Variants in TIAM1 observed in about 807,000 individuals in gnomAD.
The protein encoded by TIAM1 is rho guanine nucleotide exchange factor TIAM1.
TIAM1 carries 65 observed loss-of-function variants against 163.5 expected under a neutral mutation model. The ratio of observed to expected loss-of-function variants is 0.40; its 90% confidence interval spans 0.33 to 0.49. The LOEUF is 0.49. TIAM1 is among the 20% of genes least tolerant of loss of function. The probability of loss-of-function intolerance (pLI) is 0.77; values close to 1 mark genes in which losing one functional copy is unlikely to be tolerated. For synonymous variants in TIAM1, 833 were observed against 810.1 expected, an observed-to-expected ratio of 1.03 and a Z score of -0.48; for missense variants, 1,789 against 2,044.7, an observed-to-expected ratio of 0.87 and a Z score of 2.41.
chr21:31,465,237 ATTC>A (rs1405805191), intron 1 of TIAM1, among the ~76,000 whole-genome samples: 1 of 151,716 alleles, frequency 6.6e-6, no homozygotes, highest in Admixed American at 6.6e-5. Context: ...AAGCTAATAT[ATTC>A]TTATTTTATT....
At position 31,210,038 on chromosome 21, in the gene TIAM1, TCCATA is replaced by T; in HGVS notation, c.2388+2_2388+6del. 1 of 1,612,792 alleles carries T rather than the reference TCCATA, an allele frequency of 6.2e-7. No homozygotes were observed. Among genetic ancestry groups the T allele is most frequent in the Non-Finnish European group, 8.5e-7 (1 of 1,179,582 alleles). On this transcript the variant is annotated splice_donor_variant and splice_donor_5th_base_variant and intron_variant, in intron 11 of 27. Coordinates refer to ENST00000541036, the MANE Select transcript of TIAM1 (RefSeq NM_001353694.2). LOFTEE classifies it high-confidence loss of function. Reference sequence around the variant, plus strand: ...TCTTGGAGAAACAACCCAAAGCAGCTCCATACCTTGCAAATCAGCTCCAGGGTGTC... The same window carrying T: ...TCTTGGAGAAACAACCCAAAGCAGCTCCTTGCAAATCAGCTCCAGGGTGTC...
intron 10 of TIAM1, among the ~76,000 whole-genome samples, chr21:31,211,894 C>T (rs987348185): frequency 2.0e-5 from 3 of 152,220 alleles, no homozygotes; most frequent in Non-Finnish European, 4.4e-5. Flanking sequence ...ACCAAAAATG[C>T]TACACAGAAA....
At chr21:31,130,615 G>A (rs984962823) in intron 24 of TIAM1, among the ~76,000 whole-genome samples, 4 of 152,148 alleles carry the variant, frequency 2.6e-5, no homozygotes, top group South Asian at 2.1e-4. Context: ...GAAAAGTAGC[G>A]TTAGGAAGGT....
At position 31,351,790 on chromosome 21, in the gene TIAM1, G is replaced by A. The variant is rs114970725; in HGVS notation, c.-368-12368C>T. 9.7e-3 allele frequency among the ~76,000 whole-genome samples: 1,465 copies of A among 151,268 alleles called. 24 individuals are homozygous for A. Among genetic ancestry groups the A allele is most frequent in the African/African-American group, 0.033 (1,383 of 41,516 alleles). ...AAGAAATTAAAGTTCATCTCTGGCA[G>A]GGCGTGGTGGCTCATGCCTATAATC... On this transcript the variant is annotated intron_variant, in intron 2 of 28. Coordinates refer to the TIAM1 transcript ENST00000286827.
intron 2 of TIAM1, among the ~76,000 whole-genome samples, chr21:31,283,546 T>C (rs550293704): frequency 1.3e-5 from 2 of 151,904 alleles, no homozygotes; most frequent in Non-Finnish European, 2.9e-5. Context: ...TTTTTATTTA[T>C]TTATTTATTT....
intron 2 of TIAM1, among the ~76,000 whole-genome samples, chr21:31,287,711 T>G (rs2073864120): frequency 2.0e-5 from 3 of 152,016 alleles, no homozygotes; most frequent in Admixed American, 2.0e-4. Context: ...GTGAGGCGAG[T>G]GCATGGGAAA....
At chr21:31,264,958 A>C in intron 4 of TIAM1, among the ~76,000 whole-genome samples, 1 of 152,198 alleles carries the variant, frequency 6.6e-6, no homozygotes, top group East Asian at 1.9e-4. Context: ...GCCTCAGAGA[A>C]CAGAAGTACC....
rs369247588 is a variant in TIAM1, at chr21:31,141,513, G to T, written c.3476-9C>A. ...AGCCGTGTCTGTCTTGGCTGGCAGG[G>T]TTTAAACACAGGTCATGGGGGTGGA... On this transcript the variant is annotated splice_polypyrimidine_tract_variant and intron_variant, in intron 20 of 27. Coordinates refer to ENST00000541036, the MANE Select transcript of TIAM1 (RefSeq NM_001353694.2). This position sits in a 1 kb window ranked among gnomAD's most constrained non-coding sequence, Gnocchi z 4.7. 6.2e-7 allele frequency: 1 copy of T among 1,613,278 alleles called. No individual in the cohort carries two copies. Among genetic ancestry groups the T allele is most frequent in the African/African-American group, 1.3e-5 (1 of 75,034 alleles).
chr21:31,468,450 T>A (rs1444461503), intron 1 of TIAM1, among the ~76,000 whole-genome samples: 1 of 149,876 alleles, frequency 6.7e-6, no homozygotes, highest in Non-Finnish European at 1.5e-5. Context: ...ACCACTGCAC[T>A]CCAGCCTGGA....
At chr21:31,219,665 A>T (rs2087435413) in intron 8 of TIAM1, among the ~76,000 whole-genome samples, 1 of 152,212 alleles carries the variant, frequency 6.6e-6, no homozygotes, top group South Asian at 2.1e-4. Flanking sequence ...TTTTGGACCC[A>T]AACAAAAATA....
chr21:31,222,677 AT>A (rs1450974091), intron 8 of TIAM1, among the ~76,000 whole-genome samples: 369 of 31,336 alleles, frequency 0.012, 8 homozygotes, highest in African/African-American at 0.03. Context: ...GTACACATAC[AT>A]ATATATATAT....
chr21:31,551,898 C>T (rs535363940), intron 1 of TIAM1, among the ~76,000 whole-genome samples: 1 of 152,088 alleles, frequency 6.6e-6, no homozygotes, highest in South Asian at 2.1e-4. Flanking sequence ...GCACTAAAAA[C>T]AAAAATGAAC....
rs1016469790 is a variant in TIAM1 at position 31,395,931 on chromosome 21, C to T, written c.-368-56509G>A. On this transcript the variant is annotated intron_variant, in intron 2 of 28. Coordinates refer to the TIAM1 transcript ENST00000286827. The surrounding 1 kb of genome is among the most constrained non-coding windows in gnomAD (Gnocchi z 7.5). ...AAGGCTGTCTAGCAAATGAGGGCAT[C>T]ATTCTTCCTCTAGATTTAAAATTCA... is the stretch of plus-strand genomic sequence containing the variant. 6.6e-6 allele frequency among the ~76,000 whole-genome samples: 1 copy of T among 152,156 alleles called. No homozygotes were observed. The highest frequency in any genetic ancestry group is 1.5e-5 in the Non-Finnish European group (1 of 68,024).
At chr21:31,155,163 C>T (rs1193797376) in intron 16 of TIAM1, among the ~76,000 whole-genome samples, 4 of 152,194 alleles carry the variant, frequency 2.6e-5, no homozygotes, top group African/African-American at 7.2e-5. Context: ...AGGTTGCACA[C>T]GTTTTGTCAT....
chr21:31,165,108 G>T, intron 15 of TIAM1, 43 bp from the exon 16 acceptor site: 1 of 1,596,032 alleles, frequency 6.3e-7, no homozygotes, highest in Non-Finnish European at 8.6e-7. Context: ...AACATGGACA[G>T]TAATTGCTAA....
intron 1 of TIAM1, among the ~76,000 whole-genome samples, chr21:31,538,988 A>G (rs1040718054): frequency 6.6e-6 from 1 of 152,126 alleles, no homozygotes; most frequent in Non-Finnish European, 1.5e-5. Context: ...GGCCCCATAA[A>G]TGGGAAACCC....
At chr21:31,552,586 C>T (rs1401850328) in intron 1 of TIAM1, among the ~76,000 whole-genome samples, 1 of 152,062 alleles carries the variant, frequency 6.6e-6, no homozygotes, top group African/African-American at 2.4e-5. Flanking sequence ...CCAGCCTGGT[C>T]AACATGGTGA....
chr21:31,219,030 T>G (rs968299639), intron 8 of TIAM1, among the ~76,000 whole-genome samples: 1 of 128,548 alleles, frequency 7.8e-6, no homozygotes, highest in African/African-American at 3.8e-5. Flanking sequence ...TTTCCTTTTT[T>G]TTTTTTTTTT....
chr21:31,290,848 G>T (rs1277299919), intron 2 of TIAM1, among the ~76,000 whole-genome samples: 2 of 151,818 alleles, frequency 1.3e-5, no homozygotes, highest in East Asian at 3.9e-4. Flanking sequence ...CATGTGCGAG[G>T]GCCAAAATCT....
Sources: allele counts gnomAD v4.1 joint callset (sites outside exome capture counted in the v4.1 genomes callset), GRCh38; gene constraint gnomAD v4.1.1; non-coding constraint Gnocchi (gnomAD v3.1); transcripts MANE v1.5; gene names NCBI Gene and HGNC (gene_info 2026-07-23, HGNC 2026-07-21).